PTPRK: variants seen among roughly 807,000 people sequenced by gnomAD.
PTPRK encodes receptor-type tyrosine-protein phosphatase kappa.
PTPRK carries 75 observed loss-of-function variants against 178.0 expected under a neutral mutation model. That is an observed-to-expected ratio of 0.42 (90% CI 0.35 to 0.51). The LOEUF (loss-of-function observed/expected upper bound fraction) is 0.51. Among genes scored for constraint, PTPRK ranks in the 20% least tolerant of loss-of-function variants. The pLI, the probability that PTPRK is intolerant of heterozygous loss-of-function variation, is 0.02. For synonymous variants in PTPRK, 637 were observed against 620.6 expected (o/e 1.03, Z -0.39); for missense variants, 1,441 against 1,797.8 (o/e 0.80, Z 3.59).
Position 128,513,441 on chromosome 6 carries a change from C to T in PTPRK, c.100+6818G>A, listed in dbSNP as rs1198765152. ...GAAGTTTCAGTGAGCCGAGATCGTGCCACTGCACTCCAGCTTGGGTGACAG... is the reference window on the plus strand; with the variant it reads ...GAAGTTTCAGTGAGCCGAGATCGTGTCACTGCACTCCAGCTTGGGTGACAG... On this transcript the variant is annotated intron_variant, in intron 1 of 29. Transcript: ENST00000368226. 2.0e-5 allele frequency among the ~76,000 whole-genome samples: 3 copies of T among 149,914 alleles called. No individual in the cohort carries two copies. In the Admixed American group the frequency reaches 2.0e-4, roughly 10 times the overall value.
At chr6:128,487,404 T>C (rs962560082) in intron 1 of PTPRK, among the ~76,000 whole-genome samples, 2 of 151,324 alleles carry the variant, frequency 1.3e-5, no homozygotes, top group Non-Finnish European at 2.9e-5. Flanking sequence ...ATTCTGACTT[T>C]CTCCTGCCCT....
At chr6:128,261,052 C>T (rs958860857) in intron 3 of PTPRK, among the ~76,000 whole-genome samples, 2 of 152,088 alleles carry the variant, frequency 1.3e-5, no homozygotes, top group African/African-American at 4.8e-5. Context: ...CCCTCTTGAT[C>T]TGTCAATCTA....
chr6:128,372,411 C>T lies in PTPRK; in HGVS notation c.223+25155G>A, dbSNP rs1397987045. Among the ~76,000 whole-genome samples, 4 of 152,114 alleles carry T rather than the reference C, an allele frequency of 2.6e-5. No individual in the cohort carries two copies. The East Asian group carries it at 5.8e-4, about 22-fold the overall frequency. On this transcript the variant is annotated intron_variant, in intron 2 of 29. Coordinates refer to ENST00000368226, the MANE Select transcript of PTPRK (RefSeq NM_002844.4). The stretch of plus-strand genomic sequence containing the variant: ...AAATCATGTTCACCACAAGAACACT[C>T]AGGAACAAAAGAATCAAGTCAAAAA...
rs1830926363 is a variant in PTPRK, at chr6:128,336,313, TAG to T, written c.224-14005_224-14004del. ...GGTAAACACAAACATTGAGAAATTG[TAG>T]AGTTTTAGTTCCCACACTAATTTTT... is the stretch of plus-strand genomic sequence containing the variant. On this transcript the variant is annotated intron_variant, in intron 2 of 29. Transcript: ENST00000368226. 2.0e-5 allele frequency among the ~76,000 whole-genome samples: 3 copies of T among 152,192 alleles called. No homozygotes were observed. In the South Asian group the frequency reaches 6.2e-4, roughly 32 times the overall value.
intron 5 of PTPRK, among the ~76,000 whole-genome samples, chr6:128,231,285 G>A (rs1812254686): frequency 6.6e-6 from 1 of 152,196 alleles, no homozygotes; most frequent in African/African-American, 2.4e-5. Flanking sequence ...ACTGCCGAGT[G>A]TTGGCTCTTA....
At chr6:128,085,321 T>A (rs183311836) in intron 8 of PTPRK, 2 of 152,342 alleles carry the variant, frequency 1.3e-5, no homozygotes, top group Admixed American at 1.3e-4. Flanking sequence ...CCTCTGCACA[T>A]CTGTGTCTAT....
intron 7 of PTPRK, among the ~76,000 whole-genome samples, chr6:128,092,646 A>G (rs376061985): frequency 3.3e-5 from 5 of 152,182 alleles, no homozygotes; most frequent in African/African-American, 1.2e-4. Context: ...TCACTTAGAC[A>G]TGGGCTGATA....
intron 3 of PTPRK, among the ~76,000 whole-genome samples, chr6:128,270,489 G>C (rs911411948): frequency 1.3e-5 from 2 of 151,940 alleles, no homozygotes; most frequent in African/African-American, 4.8e-5. Flanking sequence ...CCTAACATTA[G>C]GAAGACACAT....
intron 1 of PTPRK, among the ~76,000 whole-genome samples, chr6:128,405,405 G>A (rs1841534324): frequency 6.6e-6 from 1 of 152,138 alleles, no homozygotes; most frequent in African/African-American, 2.4e-5. Context: ...GATCATTAGT[G>A]AGTATATTTA....
chr6:128,010,454 T>C (rs1237848090), intron 13 of PTPRK, among the ~76,000 whole-genome samples: 1 of 151,222 alleles, frequency 6.6e-6, no homozygotes, highest in Non-Finnish European at 1.5e-5. Context: ...TACATTCTGA[T>C]CCTTTCTTCT....
chr6:128,509,724 G>C (rs1856897614), intron 1 of PTPRK, among the ~76,000 whole-genome samples: 1 of 152,062 alleles, frequency 6.6e-6, no homozygotes, highest in East Asian at 1.9e-4. Flanking sequence ...AAGCAGAAAG[G>C]ACTGCTCCCA....
intron 3 of PTPRK, among the ~76,000 whole-genome samples, chr6:128,261,259 G>A (rs901771528): frequency 6.6e-6 from 1 of 152,102 alleles, no homozygotes; most frequent in Non-Finnish European, 1.5e-5. Context: ...TGTAAAAGCA[G>A]AAATCAATAC....
chr6:128,402,255 T>TTG (rs1841120324), intron 1 of PTPRK, among the ~76,000 whole-genome samples: 1 of 51,910 alleles, frequency 1.9e-5, no homozygotes, highest in African/African-American at 6.2e-5. Flanking sequence ...GTTTGTTTGT[T>TTG]TTTGTTTTTG....
chr6:128,097,294 A>G (rs1788074246), intron 7 of PTPRK, among the ~76,000 whole-genome samples: 1 of 152,150 alleles, frequency 6.6e-6, no homozygotes, highest in Non-Finnish European at 1.5e-5. Flanking sequence ...GAATCACAGT[A>G]ATATTTACCC....
intron 13 of PTPRK, among the ~76,000 whole-genome samples, chr6:128,048,217 T>C (rs958711536): frequency 3.3e-5 from 5 of 152,148 alleles, no homozygotes; most frequent in Admixed American, 6.5e-5. Flanking sequence ...GTAAACTCAT[T>C]AGAAATGCAA....
intron 1 of PTPRK, among the ~76,000 whole-genome samples, chr6:128,515,294 TAAA>T (rs1857806155): frequency 6.6e-6 from 1 of 152,150 alleles, no homozygotes; most frequent in South Asian, 2.1e-4. Context: ...TCAATTGAAA[TAAA>T]AAATAGCCTG....
At chr6:127,983,475 T>C in intron 22 of PTPRK, 98 bp from the exon 23 acceptor site, 7 of 1,330,726 alleles carry the variant, frequency 5.3e-6, no homozygotes, top group Non-Finnish European at 7.2e-6. Context: ...AGAATCAAAT[T>C]GATTTAACAA....
chr6:127,978,341 C>T (rs1318267875), intron 25 of PTPRK, among the ~76,000 whole-genome samples: 1 of 152,144 alleles, frequency 6.6e-6, no homozygotes, highest in Non-Finnish European at 1.5e-5. Context: ...TTCCCCCATG[C>T]TGTTCTCCAG....
chr6:128,015,218 G>C (rs534968996), intron 13 of PTPRK, among the ~76,000 whole-genome samples: 3 of 151,634 alleles, frequency 2.0e-5, no homozygotes, highest in Middle Eastern at 3.4e-3. Context: ...TTTTAAGAAA[G>C]CAATAAAATA....
Sources: gnomAD v4.1 joint callset for allele counts (sites outside exome capture counted in the v4.1 genomes callset) on GRCh38, gnomAD v4.1.1 for gene constraint, MANE v1.5 for transcripts, NCBI Gene and HGNC (gene_info 2026-07-23, HGNC 2026-07-21) for gene names.